HSD17B12: variants seen among roughly 807,000 people sequenced by gnomAD.
HSD17B12 encodes the protein hydroxysteroid 17-beta dehydrogenase 12, also known as very-long-chain 3-oxoacyl-CoA reductase.
In HSD17B12, 32 loss-of-function variants were observed where a neutral mutation model predicts 39.3. That is an observed-to-expected ratio of 0.81 (90% CI 0.61 to 1.09). HSD17B12 has a LOEUF of 1.09. Ranked by LOEUF, HSD17B12 falls within the 50% of genes least tolerant of loss-of-function variation. HSD17B12 has a pLI of 0.00. For missense variants in HSD17B12, 342 were observed against 382.9 expected, an observed-to-expected ratio of 0.89 and a Z score of 0.89; for synonymous variants, 150 against 146.7, an observed-to-expected ratio of 1.02 and a Z score of -0.16.
chr11:43,781,476 T>A (rs1320399902), intron 3 of HSD17B12, among the ~76,000 whole-genome samples: 1 of 152,184 alleles, frequency 6.6e-6, no homozygotes, highest in East Asian at 1.9e-4. Flanking sequence ...GAACCAATTC[T>A]GTTTGTAGAT....
At chr11:43,584,996 G>A in the HSD17B12 span, among the ~76,000 whole-genome samples, 1 of 152,192 alleles carries the variant, frequency 6.6e-6, no homozygotes, top group Non-Finnish European at 1.5e-5. Flanking sequence ...ATTCAATGGG[G>A]CCCACTCTTC....
At chr11:43,760,110 C>G (rs1950543206) in intron 3 of HSD17B12, among the ~76,000 whole-genome samples, 2 of 152,088 alleles carry the variant, frequency 1.3e-5, no homozygotes, top group Admixed American at 1.3e-4. Flanking sequence ...ATTGGCTAGG[C>G]TGGTCTTGAA....
intron 3 of HSD17B12, among the ~76,000 whole-genome samples, chr11:43,796,457 A>G (rs1400641946): frequency 6.6e-6 from 1 of 152,248 alleles, no homozygotes. Flanking sequence ...AAATCTAGGT[A>G]TGAGTTCAGA....
At chr11:43,726,279 C>T (rs1370692742) in intron 1 of HSD17B12, among the ~76,000 whole-genome samples, 3 of 151,754 alleles carry the variant, frequency 2.0e-5, no homozygotes, top group Admixed American at 6.6e-5. Context: ...TCTCTAAGGG[C>T]GATAAGAAAA....
chr11:43,812,231 A>G (rs1371795747), intron 4 of HSD17B12, among the ~76,000 whole-genome samples: 1 of 152,194 alleles, frequency 6.6e-6, no homozygotes, highest in Non-Finnish European at 1.5e-5. Context: ...CTTTGGATAA[A>G]TACTAGTAGT....
chr11:43,757,851 A>C (rs1374410191), intron 3 of HSD17B12, among the ~76,000 whole-genome samples: 1 of 152,080 alleles, frequency 6.6e-6, no homozygotes, highest in Non-Finnish European at 1.5e-5. Flanking sequence ...AGGTGATAAA[A>C]GGGCTAGAAT....
the HSD17B12 span, among the ~76,000 whole-genome samples, chr11:43,674,149 A>G: frequency 1.3e-5 from 2 of 152,216 alleles, no homozygotes; most frequent in African/African-American, 4.8e-5. Flanking sequence ...GTTTTATCGT[A>G]TTGCCTCTTC....
At chr11:43,776,603 A>G (rs1359340388) in intron 3 of HSD17B12, among the ~76,000 whole-genome samples, 2 of 152,050 alleles carry the variant, frequency 1.3e-5, no homozygotes, top group African/African-American at 4.8e-5. Flanking sequence ...GAAGCTCTTT[A>G]GTTTAATTAG....
At chr11:43,573,521 T>C in the HSD17B12 span, among the ~76,000 whole-genome samples, 1 of 152,212 alleles carries the variant, frequency 6.6e-6, no homozygotes, top group Admixed American at 6.5e-5. Flanking sequence ...TAATTTTGGC[T>C]GCTGCCCTTA....
intron 1 of HSD17B12, chr11:43,718,812 T>G (rs957542736): frequency 1.8e-4 from 164 of 908,570 alleles, no homozygotes; most frequent in Non-Finnish European, 2.7e-4. Flanking sequence ...TCACCCGCCT[T>G]CTGGTGGCCC....
chr11:43,755,643 T>C (rs1451521447), intron 3 of HSD17B12: 3 of 152,268 alleles, frequency 2.0e-5, no homozygotes, highest in Non-Finnish European at 2.9e-5. Context: ...TTACCAACAT[T>C]ACCACCTACT....
At position 43,807,862 on chromosome 11, in the gene HSD17B12, C is replaced by T. The variant is rs1378857994; in HGVS notation, c.392-7575C>T. The stretch of plus-strand genomic sequence containing the variant: ...TTTGTGTTTTTTAAGTCATTATTGC[C>T]GACATGCATTGAGCACTCTTTCATG... On this transcript the variant is annotated intron_variant, in intron 4 of 10. Transcript: ENST00000278353. Among the ~76,000 whole-genome samples, 3 of 152,076 alleles carry T rather than the reference C, an allele frequency of 2.0e-5. 1 individual carries two copies. Among genetic ancestry groups the T allele is most frequent in the East Asian group, 3.9e-4 (2 of 5,190 alleles).
the HSD17B12 span, among the ~76,000 whole-genome samples, chr11:43,592,780 T>C: frequency 6.6e-6 from 1 of 152,068 alleles, no homozygotes; most frequent in Non-Finnish European, 1.5e-5. Flanking sequence ...TTTTTTTTAA[T>C]GGAGGTTTTC....
intron 9 of HSD17B12, among the ~76,000 whole-genome samples, chr11:43,848,005 G>A (rs866226569): frequency 7.2e-5 from 11 of 151,908 alleles, no homozygotes; most frequent in African/African-American, 2.4e-4. Context: ...AGTTCTATTG[G>A]GCTTCAAAGA....
chr11:43,683,798 G>A (rs1949773518), intron 1 of HSD17B12, among the ~76,000 whole-genome samples: 1 of 151,904 alleles, frequency 6.6e-6, no homozygotes, highest in Non-Finnish European at 1.5e-5. Flanking sequence ...AGTATATGTT[G>A]AATTGATACT....
At chr11:43,848,847 C>CTATTTGACTACTTCT (rs1220918796) in intron 9 of HSD17B12, among the ~76,000 whole-genome samples, 3 of 152,176 alleles carry the variant, frequency 2.0e-5, no homozygotes, top group Non-Finnish European at 4.4e-5. Context: ...AGCATACCCA[C>CTATTTGACTACTTCT]TATTTGACTA....
chr11:43,660,035 C>A, the HSD17B12 span, among the ~76,000 whole-genome samples: 44 of 152,236 alleles, frequency 2.9e-4, no homozygotes, highest in East Asian at 2.5e-3. Flanking sequence ...AGCTCCAGGA[C>A]CCAAATCACT....
the HSD17B12 span, chr11:43,559,681 G>C: frequency 6.4e-6 from 1 of 155,982 alleles, no homozygotes; most frequent in African/African-American, 2.4e-5. Flanking sequence ...TGATGTCCCT[G>C]AGTGTATGTG....
the HSD17B12 span, among the ~76,000 whole-genome samples, chr11:43,603,180 T>G: frequency 2.0e-5 from 3 of 152,194 alleles, no homozygotes; most frequent in Admixed American, 2.0e-4. Flanking sequence ...TTATTTTTTA[T>G]TTTTTATTTC....
Sources: allele counts gnomAD v4.1 joint callset (sites outside exome capture counted in the v4.1 genomes callset), GRCh38; gene constraint gnomAD v4.1.1; transcripts MANE v1.5; gene names NCBI Gene and HGNC (gene_info 2026-07-23, HGNC 2026-07-21).